Variants in IQGAP2 observed in about 807,000 individuals in gnomAD.
IQGAP2 encodes the protein ras GTPase-activating-like protein IQGAP2.
In IQGAP2, 173 loss-of-function variants were observed where a neutral mutation model predicts 201.3. The observed-to-expected ratio is 0.86, with a 90% confidence interval of 0.76 to 0.98. IQGAP2 has a LOEUF of 0.98. Among genes scored for constraint, IQGAP2 ranks in the 50% least tolerant of loss-of-function variants. The pLI, the probability that IQGAP2 is intolerant of heterozygous loss-of-function variation, is 0.00. For missense variants in IQGAP2, 1,687 were observed against 1,864.8 expected (o/e 0.90, Z 1.76); for synonymous variants, 675 against 673.9 (o/e 1.00, Z -0.03).
chr5:76,498,063 C>T (rs1198744701), intron 2 of IQGAP2, among the ~76,000 whole-genome samples: 1 of 152,090 alleles, frequency 6.6e-6, no homozygotes, highest in Non-Finnish European at 1.5e-5. Flanking sequence ...GTTTGGAACT[C>T]CCGGATAAGG....
At chr5:76,431,594 C>T (rs1752368658) in intron 1 of IQGAP2, among the ~76,000 whole-genome samples, 3 of 151,932 alleles carry the variant, frequency 2.0e-5, no homozygotes. Flanking sequence ...GGAGGCCAAG[C>T]CGGGCGGATC....
intron 27 of IQGAP2, among the ~76,000 whole-genome samples, chr5:76,676,489 A>G (rs547977903): frequency 5.9e-5 from 9 of 152,348 alleles, no homozygotes; most frequent in Admixed American, 3.3e-4. Flanking sequence ...AACATTTACA[A>G]CTTTATAGAA....
intron 2 of IQGAP2, among the ~76,000 whole-genome samples, chr5:76,562,063 G>A (rs1405937414): frequency 6.6e-6 from 1 of 152,138 alleles, no homozygotes; most frequent in African/African-American, 2.4e-5. Flanking sequence ...TTTCTTTAAT[G>A]TCAGCAGGAC....
At chr5:76,522,379 C>T (rs973348970) in intron 2 of IQGAP2, among the ~76,000 whole-genome samples, 3 of 151,962 alleles carry the variant, frequency 2.0e-5, no homozygotes, top group African/African-American at 4.8e-5. Flanking sequence ...GATGGAGTTT[C>T]GCCATGTTGG....
chr5:76,474,899 A>G (rs938511365), intron 2 of IQGAP2, among the ~76,000 whole-genome samples: 1 of 152,084 alleles, frequency 6.6e-6, no homozygotes, highest in African/African-American at 2.4e-5. Context: ...TTTAGTAGAG[A>G]CGGGGTTTCA....
intron 20 of IQGAP2, among the ~76,000 whole-genome samples, chr5:76,657,239 T>C (rs1425907878): frequency 1.3e-5 from 2 of 152,224 alleles, no homozygotes; most frequent in African/African-American, 4.8e-5. Flanking sequence ...CCATCAACTC[T>C]GGCCACAGTG....
chr5:76,511,740 G>A (rs1201001842), intron 2 of IQGAP2, among the ~76,000 whole-genome samples: 4 of 151,276 alleles, frequency 2.6e-5, no homozygotes, highest in African/African-American at 9.7e-5. Context: ...GAGTGCAGTG[G>A]CGCGATCTCG....
intron 21 of IQGAP2, among the ~76,000 whole-genome samples, chr5:76,663,289 C>A (rs954078981): frequency 1.3e-5 from 2 of 152,184 alleles, no homozygotes; most frequent in Admixed American, 6.5e-5. Context: ...CCCATAGTGC[C>A]CCTCTAAGGA....
chr5:76,670,231 G>C (rs1283541762), intron 23 of IQGAP2, among the ~76,000 whole-genome samples: 2 of 152,166 alleles, frequency 1.3e-5, no homozygotes, highest in East Asian at 3.9e-4. Flanking sequence ...AAACAAAAAG[G>C]CCGGGCACGG....
chr5:76,644,294 C>CATTTTTTTTTTTTTTTTT (rs1751838007), intron 17 of IQGAP2, among the ~76,000 whole-genome samples: 1 of 24,662 alleles, frequency 4.1e-5, no homozygotes, highest in African/African-American at 1.2e-4. Context: ...TTTTGTAAAT[C>CATTTTTTTTTTTTTTTTT]CTTTTTTTTT....
intron 2 of IQGAP2, among the ~76,000 whole-genome samples, chr5:76,464,547 G>T (rs1754668771): frequency 6.6e-6 from 1 of 151,944 alleles, no homozygotes; most frequent in Non-Finnish European, 1.5e-5. Context: ...AAAATGTATT[G>T]GTTCTGTCTT....
At chr5:76,506,021 G>T (rs1398864397) in intron 2 of IQGAP2, among the ~76,000 whole-genome samples, 2 of 152,152 alleles carry the variant, frequency 1.3e-5, no homozygotes, top group Non-Finnish European at 2.9e-5. Context: ...AGGTTTGGAG[G>T]TTTAAGAAGA....
intron 27 of IQGAP2, 140 bp from the exon 28 acceptor site, chr5:76,677,078 G>C: frequency 1.3e-6 from 1 of 752,176 alleles, no homozygotes; most frequent in Non-Finnish European, 2.1e-6. Flanking sequence ...AGCCAGCCTG[G>C]AAGAAGCTGT....
chr5:76,498,483 C>G (rs1478111659), intron 2 of IQGAP2, among the ~76,000 whole-genome samples: 1 of 152,144 alleles, frequency 6.6e-6, no homozygotes, highest in Non-Finnish European at 1.5e-5. Flanking sequence ...AAACCTCAGG[C>G]AGGAGCTGTG....
intron 5 of IQGAP2, among the ~76,000 whole-genome samples, chr5:76,576,667 T>G (rs1243492617): frequency 6.6e-6 from 1 of 152,218 alleles, no homozygotes; most frequent in Non-Finnish European, 1.5e-5. Flanking sequence ...TTCATGGTGG[T>G]GTTGGCTTTC....
chr5:76,582,824 T>C (rs1190186331), intron 5 of IQGAP2, among the ~76,000 whole-genome samples: 1 of 152,168 alleles, frequency 6.6e-6, no homozygotes, highest in Non-Finnish European at 1.5e-5. Flanking sequence ...TTTCATGATA[T>C]ACACTAAATG....
chr5:76,651,330 C>T (rs1752498694), intron 17 of IQGAP2, among the ~76,000 whole-genome samples: 1 of 152,178 alleles, frequency 6.6e-6, no homozygotes, highest in Admixed American at 6.5e-5. Context: ...TTGGGCCAGG[C>T]ATGGCTAACA....
At chr5:76,557,992 A>T (rs1000822536) in intron 2 of IQGAP2, among the ~76,000 whole-genome samples, 1 of 151,968 alleles carries the variant, frequency 6.6e-6, no homozygotes, top group Non-Finnish European at 1.5e-5. Flanking sequence ...TTTAGTAGAG[A>T]TGGGGTTTCA....
At chr5:76,519,691 C>T (rs1034453170) in intron 2 of IQGAP2, among the ~76,000 whole-genome samples, 2 of 152,244 alleles carry the variant, frequency 1.3e-5, no homozygotes, top group African/African-American at 4.8e-5. Flanking sequence ...AACTTCCTCA[C>T]ACTTGATATT....
Sources: allele counts gnomAD v4.1 joint callset (sites outside exome capture counted in the v4.1 genomes callset), GRCh38; gene constraint gnomAD v4.1.1; transcripts MANE v1.5; gene names NCBI Gene and HGNC (gene_info 2026-07-23, HGNC 2026-07-21).